Variants in TET2 observed in about 807,000 individuals in gnomAD.
TET2 encodes tet methylcytosine dioxygenase 2.
In TET2, 299 loss-of-function variants were observed where a neutral mutation model predicts 142.9. The observed-to-expected ratio is 2.09, with a 90% CI of 1.90 to 2.30. The LOEUF (loss-of-function observed/expected upper bound fraction) is 2.30. Ranked by LOEUF, TET2 falls within the 30% of genes most tolerant of loss-of-function variation. The pLI, the probability that TET2 is intolerant of heterozygous loss-of-function variation, is 0.00. For missense variants in TET2, 2,418 were observed against 2,378.0 expected, an observed-to-expected ratio of 1.02 and a Z score of -0.35; for synonymous variants, 819 against 849.0, an observed-to-expected ratio of 0.96 and a Z score of 0.61.
intron 1 of TET2, among the ~76,000 whole-genome samples, chr4:105,168,545 A>G (rs576012781): frequency 8.6e-5 from 13 of 152,042 alleles, no homozygotes; most frequent in Non-Finnish European, 1.9e-4. Context: ...CAGAACTCTG[A>G]CTATTGACCT....
In TET2 at chr4:105,272,961, G is replaced by C. The variant is rs1183310130; in HGVS notation, c.4537+43G>C. The C allele has an allele frequency of 3.5e-6, 5 of 1,433,720 alleles. No individual in the cohort carries two copies. In the African/African-American group the frequency reaches 5.8e-5, roughly 17 times the overall value. The allele number at this position is 1,433,720 out of a possible 1,614,324, so 88.8% of individuals were successfully genotyped here. ...CATTTGTAGATAAATGTGTTGTGTG[G>C]TATATTAAAAATGAAAATTATTTTG... On this transcript the variant is annotated intron_variant, in intron 10 of 10. Coordinates refer to ENST00000380013, the MANE Select transcript of TET2 (RefSeq NM_001127208.3).
chr4:105,222,167 A>G (rs570656149), intron 2 of TET2, among the ~76,000 whole-genome samples: 12 of 152,270 alleles, frequency 7.9e-5, no homozygotes, highest in East Asian at 1.9e-4. Flanking sequence ...TAGTGCCGCA[A>G]TAAACATACG....
intron 2 of TET2, among the ~76,000 whole-genome samples, chr4:105,219,464 A>G (rs1431828643): frequency 2.0e-5 from 3 of 152,152 alleles, no homozygotes; most frequent in African/African-American, 7.2e-5. Context: ...GATACAGTAC[A>G]GTACATAATT....
At chr4:105,176,143 T>A (rs918088793) in intron 1 of TET2, among the ~76,000 whole-genome samples, 4 of 152,120 alleles carry the variant, frequency 2.6e-5, no homozygotes, top group Non-Finnish European at 5.9e-5. Flanking sequence ...ATAGTAGTAT[T>A]CCCCAACTTG....
chr4:105,151,404 T>C (rs1313043690), intron 1 of TET2, among the ~76,000 whole-genome samples: 2 of 151,996 alleles, frequency 1.3e-5, no homozygotes, highest in African/African-American at 2.4e-5. Flanking sequence ...TGTAATGACA[T>C]GTAGTTAAAT....
intron 1 of TET2, among the ~76,000 whole-genome samples, chr4:105,158,597 GT>G (rs1723680136): frequency 6.6e-6 from 1 of 152,036 alleles, no homozygotes; most frequent in Non-Finnish European, 1.5e-5. Flanking sequence ...TATATCTCTG[GT>G]TTTTATGTAA....
chr4:105,157,782 T>C (rs1723640825), intron 1 of TET2, among the ~76,000 whole-genome samples: 1 of 152,196 alleles, frequency 6.6e-6, no homozygotes, highest in African/African-American at 2.4e-5. Context: ...GTTCAAGCGA[T>C]TCTCCTGTCT....
rs2110224729 is a variant in TET2, at chr4:105,235,059, C to T, written c.1117C>T (p.Gln373Ter). The T allele has an allele frequency of 6.2e-7, 1 of 1,614,046 alleles. No individual in the cohort carries two copies. Among genetic ancestry groups the T allele is most frequent in the Non-Finnish European group, 8.5e-7 (1 of 1,180,000 alleles). Residue 373 changes from glutamine to a stop codon, truncating the protein, a stop_gained, in exon 3 of 11, where the codon CAA becomes TAA. Coordinates refer to ENST00000380013, the MANE Select transcript of TET2 (RefSeq NM_001127208.3). LOFTEE classifies it high-confidence loss of function. Reference protein sequence around the residue: ...PGGSSERYLKQNEMNGAYFKQ... With the variant: ...PGGSSERYLK ...TGGCAGCTCTGAACGGTATTTAAAA[C>T]AAAATGAAATGAATGGTGCTTACTT...
chr4:105,159,014 C>T (rs1723702384), intron 1 of TET2, among the ~76,000 whole-genome samples: 1 of 152,042 alleles, frequency 6.6e-6, no homozygotes. Flanking sequence ...TTACAAACAC[C>T]ATCCTAGGAT....
At position 105,272,706 on chromosome 4, in the gene TET2, G is replaced by C. The variant is rs2110306396; in HGVS notation, c.4325G>C (p.Gly1442Ala). 3.2e-6 allele frequency: 5 copies of C among 1,551,712 alleles called. No homozygotes were observed. The highest frequency in any genetic ancestry group is 4.4e-6 in the Non-Finnish European group (5 of 1,146,980). Residue 1442 changes from glycine (G) to alanine (A), a missense_variant, in exon 10 of 11, where the codon GGT becomes GCT. By Grantham distance (60) the Gly-to-Ala change is moderately conservative. Transcript: ENST00000380013. Reference protein sequence around the residue: ...VEAQEEKKRSGAIQVLSSFRR... With the variant: ...VEAQEEKKRSAAIQVLSSFRR... ...GCTCAGGAGGAGAAAAAACGGAGTGGTGCCATTCAGGTACTGAGTTCTTTT... is the reference window on the plus strand; with the variant it reads ...GCTCAGGAGGAGAAAAAACGGAGTGCTGCCATTCAGGTACTGAGTTCTTTT...
chr4:105,233,380 T>C (rs1728618889), intron 2 of TET2, among the ~76,000 whole-genome samples: 1 of 14,618 alleles, frequency 6.8e-5, no homozygotes, highest in African/African-American at 1.5e-3. Flanking sequence ...TGAGACTCCA[T>C]CTCAAAAAAA....
At chr4:105,158,991 G>C (rs902902593) in intron 1 of TET2, among the ~76,000 whole-genome samples, 1 of 152,036 alleles carries the variant, frequency 6.6e-6, no homozygotes, top group Admixed American at 6.5e-5. Context: ...TACCGTGCAC[G>C]TGGCAGCAGT....
At chr4:105,204,558 G>A (rs9637601) in intron 2 of TET2, among the ~76,000 whole-genome samples, 5,105 of 152,096 alleles carry the variant, frequency 0.034, 254 homozygotes, top group East Asian at 0.19. Context: ...TAAGAGTTAC[G>A]TTTCTTGGAA....
At chr4:105,222,055 T>G (rs934780441) in intron 2 of TET2, among the ~76,000 whole-genome samples, 3 of 151,078 alleles carry the variant, frequency 2.0e-5, no homozygotes, top group Admixed American at 6.6e-5. Flanking sequence ...CATCATTTTT[T>G]ATGGCTGCAT....
chr4:105,248,378 C>A (rs989669469), intron 6 of TET2, among the ~76,000 whole-genome samples: 3 of 152,030 alleles, frequency 2.0e-5, no homozygotes, highest in Non-Finnish European at 4.4e-5. Flanking sequence ...AATAACTGAC[C>A]TAATTTTTAC....
At chr4:105,247,353 C>G (rs1395941429) in intron 6 of TET2, among the ~76,000 whole-genome samples, 2 of 151,394 alleles carry the variant, frequency 1.3e-5, no homozygotes, top group Non-Finnish European at 2.9e-5. Context: ...AAAACACACA[C>G]ATAAACAAAA....
At position 105,234,408 on chromosome 4, in the gene TET2, C is replaced by G. The variant is rs772885097; in HGVS notation, c.466C>G (p.Gln156Glu). ...DKKESVSSVA[Q>E]ENAVKDFTSF... is the part of the protein sequence containing the mutation. ...GAAAGAATCTGTGAGTTCTGTAGCC[C>G]AAGAAAATGCAGTTAAAGATTTCAC... Residue 156 changes from glutamine to glutamate, a missense_variant, in exon 3 of 11, where the codon CAA (glutamine) becomes GAA (glutamate). Transcript: ENST00000380013. 3 of 1,613,828 alleles carry G rather than the reference C, an allele frequency of 1.9e-6. No individual in the cohort carries two copies. The highest frequency in any genetic ancestry group is 1.3e-5 in the African/African-American group (1 of 74,896).
At chr4:105,191,544 T>A (rs1169992933) in intron 2 of TET2, among the ~76,000 whole-genome samples, 1 of 152,158 alleles carries the variant, frequency 6.6e-6, no homozygotes, top group African/African-American at 2.4e-5. Flanking sequence ...TAGTAGGTAA[T>A]TCAGCTTCAG....
chr4:105,180,680 C>T lies in TET2; in HGVS notation c.-192-9680C>T, dbSNP rs529827193. On this transcript the variant is annotated intron_variant, in intron 1 of 10. Coordinates refer to ENST00000380013, the MANE Select transcript of TET2 (RefSeq NM_001127208.3). ...TCTTGGAGACAGTCTCACTCTGTTG[C>T]CCAGGCTGGGATGCAGAAGCACGAT... 8.6e-5 allele frequency among the ~76,000 whole-genome samples: 13 copies of T among 151,744 alleles called. No individual in the cohort carries two copies. In the South Asian group the frequency reaches 2.7e-3, roughly 32 times the overall value.
Sources: allele counts gnomAD v4.1 joint callset (sites outside exome capture counted in the v4.1 genomes callset), GRCh38; gene constraint gnomAD v4.1.1; transcripts MANE v1.5; gene names NCBI Gene and HGNC (gene_info 2026-07-23, HGNC 2026-07-21).